The following SLC22A23 variants were observed in gnomAD, a reference collection of about 807,000 sequenced individuals.
The protein encoded by SLC22A23 is ion transporter protein.
A neutral mutation model predicts 61.0 loss-of-function variants in SLC22A23; 26 were observed. That is an observed-to-expected ratio of 0.43 (90% CI 0.31 to 0.59). The LOEUF (loss-of-function observed/expected upper bound fraction) is 0.59, where lower values mean the gene tolerates loss of function less well. SLC22A23 is among the 20% of genes least tolerant of loss of function. The pLI is 0.11. For missense variants in SLC22A23, 796 were observed against 934.7 expected, an observed-to-expected ratio of 0.85 and a Z score of 1.94; for synonymous variants, 430 against 413.9, an observed-to-expected ratio of 1.04 and a Z score of -0.47.
chr6:3,341,006 C>T (rs1212868135), intron 3 of SLC22A23, among the ~76,000 whole-genome samples: 1 of 152,246 alleles, frequency 6.6e-6, no homozygotes, highest in Non-Finnish European at 1.5e-5. Context: ...GCACCTTCCC[C>T]TCCCTTCACA....
chr6:3,295,540 G>C (rs757973031), intron 5 of SLC22A23, among the ~76,000 whole-genome samples: 3 of 152,186 alleles, frequency 2.0e-5, no homozygotes, highest in Non-Finnish European at 2.9e-5. Context: ...TGGCAGGGAG[G>C]ATGGAACAAA....
intron 1 of SLC22A23, among the ~76,000 whole-genome samples, chr6:3,447,347 TTTG>T (rs1344249610): frequency 6.6e-6 from 1 of 152,100 alleles, no homozygotes; most frequent in Non-Finnish European, 1.5e-5. Flanking sequence ...AGGTCAGGGT[TTTG>T]TTGTTGTTGT....
rs59004272 is a variant in SLC22A23, at chr6:3,387,914, G to A, written c.913+22274C>T. ...GGCAGCCCACGACAGTCTGTGCCAC[G>A]GCATCTCCTTTCGGTGGAATTCGTG... On this transcript the variant is annotated intron_variant, in intron 3 of 9. Coordinates refer to ENST00000406686, the MANE Select transcript of SLC22A23 (RefSeq NM_015482.2). The surrounding 1 kb of genome is among the most constrained non-coding windows in gnomAD (Gnocchi z 5.0). Among the ~76,000 whole-genome samples, 823 of 152,270 alleles carry A rather than the reference G, an allele frequency of 5.4e-3. 7 individuals carry two copies. Among genetic ancestry groups the A allele is most frequent in the African/African-American group, 0.019 (791 of 41,536 alleles).
chr6:3,393,261 T>G (rs1767784212), intron 3 of SLC22A23, among the ~76,000 whole-genome samples: 2 of 152,162 alleles, frequency 1.3e-5, no homozygotes, highest in African/African-American at 4.8e-5. Context: ...TTGGGGCTCA[T>G]GTTTGGAGAA....
chr6:3,287,291 TCTC>T (rs1760112330), intron 6 of SLC22A23, among the ~76,000 whole-genome samples, 200 bp from the exon 7 acceptor site: 1 of 152,208 alleles, frequency 6.6e-6, no homozygotes, highest in African/African-American at 2.4e-5. Context: ...ATGGAATGCT[TCTC>T]CTGATGGAGG....
At chr6:3,273,947 TTGATGGCCCACG>T (rs1758669394) in intron 9 of SLC22A23, among the ~76,000 whole-genome samples, 1 of 152,236 alleles carries the variant, frequency 6.6e-6, no homozygotes, top group East Asian at 1.9e-4. Flanking sequence ...TCACTGTGAG[TTGATGGCCCACG>T]TGTCTCCTGA....
At position 3,324,457 on chromosome 6, in the gene SLC22A23, T is replaced by C. The variant is rs950800294; in HGVS notation, c.914-455A>G. Reference sequence around the variant, plus strand: ...CTAGACAGGACACCAGGCATGCCCATATACTCACTCCTACCCATATGCACC... The same window carrying C: ...CTAGACAGGACACCAGGCATGCCCACATACTCACTCCTACCCATATGCACC... On this transcript the variant is annotated intron_variant, in intron 3 of 9. Transcript: ENST00000406686. This position sits in a 1 kb window ranked among gnomAD's most constrained non-coding sequence, Gnocchi z 4.3. Among the ~76,000 whole-genome samples the C allele has an allele frequency of 6.6e-6, 1 of 152,074 alleles. No individual in the cohort carries two copies. Among genetic ancestry groups the C allele is most frequent in the Admixed American group, 6.6e-5 (1 of 15,266 alleles).
Position 3,297,847 on chromosome 6 carries a change from C to T in SLC22A23, c.1210+244G>A, listed in dbSNP as rs529764334. On this transcript the variant is annotated intron_variant, in intron 5 of 9. Transcript: ENST00000406686. The surrounding 1 kb of genome is among the most constrained non-coding windows in gnomAD (Gnocchi z 4.3). ...AGCAGTGTATATTGGGCTCATGGCT[C>T]GCTTCTGCATTTAGACAGGAGATGA... Among the ~76,000 whole-genome samples the T allele has an allele frequency of 2.6e-5, 4 of 152,120 alleles. No individual in the cohort carries two copies. Among genetic ancestry groups the T allele is most frequent in the Non-Finnish European group, 5.9e-5 (4 of 68,018 alleles).
intron 6 of SLC22A23, among the ~76,000 whole-genome samples, chr6:3,288,706 G>A (rs1760285251): frequency 6.6e-6 from 1 of 152,228 alleles, no homozygotes. Context: ...TAGAGAAGCC[G>A]TTCAACTCCT....
intron 5 of SLC22A23, 46 bp downstream of exon 5, chr6:3,298,045 G>A: frequency 6.9e-7 from 1 of 1,457,134 alleles, no homozygotes; most frequent in Non-Finnish European, 9.0e-7. Context: ...TCAGGGACCT[G>A]CCCCGTGGAG....
At chr6:3,398,454 ATTTTT>A (rs1219591163) in intron 3 of SLC22A23, among the ~76,000 whole-genome samples, 14 of 127,246 alleles carry the variant, frequency 1.1e-4, no homozygotes, top group Admixed American at 2.5e-4. Context: ...ACAAAGCACT[ATTTTT>A]TTTTTTTTTT....
chr6:3,376,356 C>T (rs1766564739), intron 3 of SLC22A23, among the ~76,000 whole-genome samples: 1 of 152,184 alleles, frequency 6.6e-6, no homozygotes, highest in African/African-American at 2.4e-5. Context: ...CTGTCCTCCT[C>T]TGAAGTTGAC....
intron 3 of SLC22A23, among the ~76,000 whole-genome samples, chr6:3,384,085 T>C (rs1767128932): frequency 6.6e-6 from 1 of 152,166 alleles, no homozygotes; most frequent in Non-Finnish European, 1.5e-5. Context: ...CAGGCCAAAA[T>C]TGCATGAGGT....
chr6:3,394,834 C>T (rs868438353), intron 3 of SLC22A23, among the ~76,000 whole-genome samples: 15 of 152,210 alleles, frequency 9.9e-5, no homozygotes, highest in African/African-American at 2.7e-4. Flanking sequence ...TGGCCAGGCT[C>T]CCTGGTGACA....
intron 3 of SLC22A23, among the ~76,000 whole-genome samples, chr6:3,352,734 G>A (rs567486505): frequency 1.3e-5 from 2 of 152,118 alleles, no homozygotes; most frequent in Non-Finnish European, 2.9e-5. Context: ...AGGATAAATG[G>A]TGTCGCTTAC....
At chr6:3,401,286 C>T (rs1244313649) in intron 3 of SLC22A23, among the ~76,000 whole-genome samples, 6 of 152,054 alleles carry the variant, frequency 3.9e-5, no homozygotes, top group African/African-American at 1.4e-4. Context: ...TGTAGTGAGC[C>T]GAGATTGTGC....
chr6:3,418,513 T>C (rs1175943138), intron 1 of SLC22A23, among the ~76,000 whole-genome samples: 2 of 152,140 alleles, frequency 1.3e-5, no homozygotes, highest in African/African-American at 4.8e-5. Context: ...GCCCTATCCA[T>C]TAACAGTGCC....
intron 3 of SLC22A23, among the ~76,000 whole-genome samples, chr6:3,393,683 G>C (rs751856507): frequency 6.6e-6 from 1 of 152,202 alleles, no homozygotes; most frequent in South Asian, 2.1e-4. Context: ...ATTGCTCCAC[G>C]CCTTTGTCCA....
chr6:3,276,359 G>C (rs962940677), intron 9 of SLC22A23, among the ~76,000 whole-genome samples: 2 of 152,202 alleles, frequency 1.3e-5, no homozygotes, highest in African/African-American at 2.4e-5. Context: ...CCATGACCAA[G>C]TCCTCAGGGC....
Sources: allele counts gnomAD v4.1 joint callset (sites outside exome capture counted in the v4.1 genomes callset), GRCh38; gene constraint gnomAD v4.1.1; non-coding constraint Gnocchi (gnomAD v3.1); transcripts MANE v1.5; gene names NCBI Gene and HGNC (gene_info 2026-07-23, HGNC 2026-07-21).